Variants in SMOC2 observed in about 807,000 individuals in gnomAD.
SMOC2 encodes the protein SPARC-related modular calcium-binding protein 2.
Under a neutral mutation model 61.4 loss-of-function variants are expected in SMOC2, and 39 were observed. That is an observed-to-expected ratio of 0.64 (90% CI 0.49 to 0.83). The LOEUF is 0.83. SMOC2 is among the 40% of genes least tolerant of loss of function. The pLI is 0.00. For missense variants in SMOC2, 556 were observed against 592.9 expected, an observed-to-expected ratio of 0.94 and a Z score of 0.65; for synonymous variants, 247 against 239.9, an observed-to-expected ratio of 1.03 and a Z score of -0.27.
intron 4 of SMOC2, among the ~76,000 whole-genome samples, chr6:168,536,587 G>T (rs1783738714): frequency 6.6e-6 from 1 of 152,086 alleles, no homozygotes; most frequent in Admixed American, 6.5e-5. Context: ...TTGACCATGG[G>T]CACTCAGGAA....
At chr6:168,556,643 G>A (rs974735841) in intron 7 of SMOC2, among the ~76,000 whole-genome samples, 15 of 151,670 alleles carry the variant, frequency 9.9e-5, no homozygotes, top group African/African-American at 3.4e-4. Context: ...TGTGCACAAC[G>A]TGCATGTTTG....
intron 1 of SMOC2, among the ~76,000 whole-genome samples, chr6:168,464,856 G>A (rs528121219): frequency 5.9e-5 from 9 of 152,334 alleles, no homozygotes; most frequent in East Asian, 3.9e-4. Flanking sequence ...TAAGTCAGAC[G>A]GCAGGTGCAG....
At chr6:168,526,535 G>A (rs891281773) in intron 3 of SMOC2, 83 bp downstream of exon 3, 38 of 1,090,774 alleles carry the variant, frequency 3.5e-5, no homozygotes, top group Middle Eastern at 2.7e-4. Context: ...AGGCAGGTGG[G>A]GGGAGCCGAA....
intron 1 of SMOC2, among the ~76,000 whole-genome samples, chr6:168,443,312 CCT>C (rs1781259770): frequency 1.3e-5 from 2 of 152,094 alleles, no homozygotes; most frequent in Admixed American, 1.3e-4. Flanking sequence ...TCTTCTCTCC[CCT>C]GTCTCATCTA....
At chr6:168,558,805 A>G (rs111694098) in intron 7 of SMOC2, among the ~76,000 whole-genome samples, 36 of 67,144 alleles carry the variant, frequency 5.4e-4, no homozygotes, top group Middle Eastern at 8.3e-3. Flanking sequence ...GCGTGTGCGC[A>G]TGTGTGTGTG....
chr6:168,513,760 T>G (rs1434472744), intron 2 of SMOC2, among the ~76,000 whole-genome samples: 1 of 152,166 alleles, frequency 6.6e-6, no homozygotes, highest in East Asian at 1.9e-4. Context: ...CTCAGGGAGC[T>G]CGTCTCTTCA....
At position 168,554,889 on chromosome 6, in the gene SMOC2, G is replaced by A. The variant is rs187506339; in HGVS notation, c.637+5686G>A. ...GGTCTCACTTTGCCCAAGATGCCGG[G>A]GGCATCTGCTGCTGGGTCCCCTCTC... On this transcript the variant is annotated intron_variant, in intron 7 of 12. Transcript: ENST00000356284. 4.5e-4 allele frequency among the ~76,000 whole-genome samples: 69 copies of A among 152,300 alleles called. 2 individuals carry two copies. In the East Asian group the frequency reaches 0.013, roughly 28 times the overall value.
At chr6:168,653,786 C>T (rs1196916585) in intron 11 of SMOC2, among the ~76,000 whole-genome samples, 1 of 148,966 alleles carries the variant, frequency 6.7e-6, no homozygotes, top group Non-Finnish European at 1.5e-5. Flanking sequence ...TACCTGAGCT[C>T]CAACCAGATG....
intron 1 of SMOC2, among the ~76,000 whole-genome samples, chr6:168,466,563 A>G (rs1352005484): frequency 1.3e-5 from 2 of 152,210 alleles, no homozygotes; most frequent in Non-Finnish European, 2.9e-5. Context: ...GTCACTTCCA[A>G]CTTTCTCCCT....
At chr6:168,574,745 G>C (rs55908848) in intron 7 of SMOC2, among the ~76,000 whole-genome samples, 5,469 of 152,132 alleles carry the variant, frequency 0.036, 257 homozygotes, top group African/African-American at 0.11. Context: ...TGTCCTTCCC[G>C]ACCTCCCTGA....
intron 7 of SMOC2, among the ~76,000 whole-genome samples, chr6:168,585,758 G>A (rs1303837552): frequency 6.6e-6 from 1 of 152,244 alleles, no homozygotes; most frequent in Non-Finnish European, 1.5e-5. Context: ...GACGGATGAT[G>A]TTGGACAGTT....
chr6:168,533,090 T>C (rs1345393008), intron 4 of SMOC2, among the ~76,000 whole-genome samples: 1 of 152,140 alleles, frequency 6.6e-6, no homozygotes, highest in Non-Finnish European at 1.5e-5. Context: ...AGGAATTGCC[T>C]CTCTGCGGTC....
At chr6:168,534,474 G>A (rs1168205698) in intron 4 of SMOC2, among the ~76,000 whole-genome samples, 2 of 152,232 alleles carry the variant, frequency 1.3e-5, no homozygotes, top group African/African-American at 2.4e-5. Context: ...CCTGCGTCCC[G>A]CCCTGGCCCT....
chr6:168,660,052 G>GAGTAAGGGTGGA (rs1554255901), intron 11 of SMOC2, among the ~76,000 whole-genome samples: 67 of 148,540 alleles, frequency 4.5e-4, no homozygotes, highest in African/African-American at 7.2e-4. Context: ...GTTGTAGGTT[G>GAGTAAGGGTGGA]GCCTGAATAG....
intron 1 of SMOC2, among the ~76,000 whole-genome samples, chr6:168,489,895 A>G (rs895415564): frequency 4.6e-5 from 7 of 151,948 alleles, no homozygotes; most frequent in Non-Finnish European, 1.0e-4. Flanking sequence ...AATATATCGA[A>G]TCGTCTGGGT....
chr6:168,518,622 TGA>T (rs370968762), intron 2 of SMOC2, among the ~76,000 whole-genome samples: 10,455 of 39,786 alleles, frequency 0.26, 544 homozygotes, highest in East Asian at 0.51. Context: ...CATGTATGAC[TGA>T]GTGCATGTGT....
chr6:168,491,639 C>T (rs1455920923), intron 1 of SMOC2, among the ~76,000 whole-genome samples: 1 of 152,126 alleles, frequency 6.6e-6, no homozygotes, highest in Non-Finnish European at 1.5e-5. Flanking sequence ...AAAATTTAAA[C>T]CAAAACATTA....
chr6:168,568,164 G>T (rs1784585833), intron 7 of SMOC2, among the ~76,000 whole-genome samples: 1 of 151,892 alleles, frequency 6.6e-6, no homozygotes, highest in Non-Finnish European at 1.5e-5. Context: ...TCTCATATTA[G>T]AATTTAGTGC....
At chr6:168,442,383 G>C (rs1336355976) in intron 1 of SMOC2, among the ~76,000 whole-genome samples, 1 of 152,248 alleles carries the variant, frequency 6.6e-6, no homozygotes, top group Non-Finnish European at 1.5e-5. Flanking sequence ...AGCCCCCGCC[G>C]GCCAAGCCAA....
Sources: allele counts gnomAD v4.1 joint callset (sites outside exome capture counted in the v4.1 genomes callset), GRCh38; gene constraint gnomAD v4.1.1; transcripts MANE v1.5; gene names NCBI Gene and HGNC (gene_info 2026-07-23, HGNC 2026-07-21).